The following AGBL4 variants were observed in gnomAD, a reference collection of about 807,000 sequenced individuals.
AGBL4 encodes AGBL carboxypeptidase 4.
In AGBL4, 58 loss-of-function variants were observed where a neutral mutation model predicts 66.4. That is an observed-to-expected ratio of 0.87 (90% CI 0.71 to 1.09). AGBL4 has a LOEUF of 1.09. Ranked by LOEUF, AGBL4 falls within the 50% of genes least tolerant of loss-of-function variation. AGBL4 has a pLI of 0.00. For synonymous variants in AGBL4, 234 were observed against 222.9 expected, an observed-to-expected ratio of 1.05 and a Z score of -0.44; for missense variants, 579 against 631.0, an observed-to-expected ratio of 0.92 and a Z score of 0.88.
At chr1:49,519,124 G>C (rs1650061401) in intron 3 of AGBL4, among the ~76,000 whole-genome samples, 1 of 152,022 alleles carries the variant, frequency 6.6e-6, no homozygotes, top group Non-Finnish European at 1.5e-5. Flanking sequence ...GTTGGAGAAA[G>C]GCATTGATAT....
intron 12 of AGBL4, among the ~76,000 whole-genome samples, chr1:48,538,117 C>T (rs1644003405): frequency 1.3e-5 from 2 of 152,142 alleles, no homozygotes; most frequent in Non-Finnish European, 2.9e-5. Flanking sequence ...GATTTAGAAA[C>T]AATCTGGGAC....
intron 4 of AGBL4, among the ~76,000 whole-genome samples, chr1:49,054,364 T>C (rs1011057330): frequency 6.6e-6 from 1 of 152,066 alleles, no homozygotes; most frequent in East Asian, 1.9e-4. Flanking sequence ...GTCTTGGTAG[T>C]GCTGATACAG....
At chr1:48,544,213 C>T (rs1415102168) in intron 11 of AGBL4, among the ~76,000 whole-genome samples, 1 of 152,204 alleles carries the variant, frequency 6.6e-6, no homozygotes, top group East Asian at 1.9e-4. Context: ...TTGGGCATGA[C>T]CTCTCTGAGC....
In AGBL4 at chr1:49,854,010, G is replaced by T. The variant is rs1646370066; in HGVS notation, c.35-2492C>A. 2.0e-5 allele frequency among the ~76,000 whole-genome samples: 3 copies of T among 151,858 alleles called. No homozygotes were observed. The South Asian group carries it at 6.2e-4, about 31-fold the overall frequency. On this transcript the variant is annotated intron_variant, in intron 1 of 13. Coordinates refer to ENST00000371839, the MANE Select transcript of AGBL4 (RefSeq NM_032785.4). The stretch of plus-strand genomic sequence containing the variant: ...CAAAGAAATTAAGAGCTCCAGAAAT[G>T]ATATAAATAAAGGTAAATATAAATT...
chr1:48,713,553 G>A (rs1647000780), intron 6 of AGBL4, among the ~76,000 whole-genome samples: 2 of 152,140 alleles, frequency 1.3e-5, no homozygotes, highest in African/African-American at 4.8e-5. Context: ...TTCTGTGAGG[G>A]CAGTTTTCCA....
chr1:48,743,012 T>C (rs1650160976), intron 6 of AGBL4, among the ~76,000 whole-genome samples: 1 of 152,198 alleles, frequency 6.6e-6, no homozygotes, highest in Non-Finnish European at 1.5e-5. Flanking sequence ...TGAAGAGCAC[T>C]CTTCCAGGGT....
chr1:48,700,724 C>G (rs1557888151), intron 6 of AGBL4, among the ~76,000 whole-genome samples: 1 of 152,158 alleles, frequency 6.6e-6, no homozygotes, highest in South Asian at 2.1e-4. Flanking sequence ...GATCACCCAC[C>G]ATGTGCCACA....
chr1:49,576,984 C>G (rs1315792073), intron 3 of AGBL4, among the ~76,000 whole-genome samples: 2 of 152,148 alleles, frequency 1.3e-5, no homozygotes, highest in African/African-American at 4.8e-5. Context: ...TGCTAGTGCA[C>G]TTTTCATGGA....
Position 49,016,507 on chromosome 1 carries a change from T to A in AGBL4, c.594+29077A>T, listed in dbSNP as rs12094615. Among the ~76,000 whole-genome samples, 313 of 151,966 alleles carry A rather than the reference T, an allele frequency of 2.1e-3. 5 individuals are homozygous for A. The highest frequency in any genetic ancestry group is 7.0e-3 in the African/African-American group (290 of 41,446). Reference sequence around the variant, plus strand: ...ACTCAGTCACTTGAGAGTGCCGGAGTTTTGACATTGTAAGAGGAAGAAAGC... The same window carrying A: ...ACTCAGTCACTTGAGAGTGCCGGAGATTTGACATTGTAAGAGGAAGAAAGC... On this transcript the variant is annotated intron_variant, in intron 5 of 13. Coordinates refer to ENST00000371839, the MANE Select transcript of AGBL4 (RefSeq NM_032785.4).
chr1:49,643,925 A>G (rs1645833697), intron 3 of AGBL4, among the ~76,000 whole-genome samples: 1 of 151,754 alleles, frequency 6.6e-6, no homozygotes, highest in Admixed American at 6.6e-5. Flanking sequence ...ACTGATAAAT[A>G]TAAAAGACTT....
chr1:49,584,539 A>G (rs1444931113), intron 3 of AGBL4, among the ~76,000 whole-genome samples: 1 of 152,072 alleles, frequency 6.6e-6, no homozygotes, highest in African/African-American at 2.4e-5. Context: ...CAATGACCAT[A>G]ATTTTTCTTT....
intron 4 of AGBL4, among the ~76,000 whole-genome samples, chr1:49,244,725 A>G (rs1651502720): frequency 6.6e-6 from 1 of 151,878 alleles, no homozygotes; most frequent in Admixed American, 6.6e-5. Flanking sequence ...ACTATTAATA[A>G]TAGATGCCAT....
intron 2 of AGBL4, among the ~76,000 whole-genome samples, chr1:49,834,610 C>A (rs1028925431): frequency 6.6e-6 from 1 of 152,096 alleles, no homozygotes; most frequent in African/African-American, 2.4e-5. Flanking sequence ...TTCTTGTCTT[C>A]TGTTAGCTTT....
intron 4 of AGBL4, among the ~76,000 whole-genome samples, chr1:49,157,273 C>T (rs1437208848): frequency 1.3e-5 from 2 of 151,342 alleles, no homozygotes; most frequent in Non-Finnish European, 2.9e-5. Context: ...TGTGATGTTC[C>T]CCTCCCCGTG....
At chr1:49,480,019 A>G (rs950000496) in intron 3 of AGBL4, among the ~76,000 whole-genome samples, 3 of 151,822 alleles carry the variant, frequency 2.0e-5, no homozygotes, top group Non-Finnish European at 4.4e-5. Flanking sequence ...CATTTTCTTT[A>G]TCTAGTCTAT....
chr1:49,344,467 A>G (rs1338570461), intron 3 of AGBL4, among the ~76,000 whole-genome samples: 1 of 152,212 alleles, frequency 6.6e-6, no homozygotes, highest in African/African-American at 2.4e-5. Flanking sequence ...GTGAGATAGG[A>G]TAAAGCTAAA....
At chr1:49,596,297 A>C (rs1644852299) in intron 3 of AGBL4, among the ~76,000 whole-genome samples, 1 of 152,144 alleles carries the variant, frequency 6.6e-6, no homozygotes, top group South Asian at 2.1e-4. Context: ...CCTCCTGAGT[A>C]GCTGGGGTTA....
chr1:49,933,276 T>G (rs567677900), intron 1 of AGBL4, among the ~76,000 whole-genome samples: 1 of 151,762 alleles, frequency 6.6e-6, no homozygotes, highest in East Asian at 1.9e-4. Flanking sequence ...TTCAAAGTAA[T>G]AAAAAAAACT....
Position 48,686,596 on chromosome 1 carries a change from A to G in AGBL4, c.635-23355T>C, listed in dbSNP as rs145786767. ...AAAGAAGAAACAAGAGAAAAAAGGGACTAAGGAATACAAGAAGGACAGGCA... is the reference window on the plus strand; with the variant it reads ...AAAGAAGAAACAAGAGAAAAAAGGGGCTAAGGAATACAAGAAGGACAGGCA... On this transcript the variant is annotated intron_variant, in intron 6 of 13. Coordinates refer to ENST00000371839, the MANE Select transcript of AGBL4 (RefSeq NM_032785.4). 1.2e-3 allele frequency among the ~76,000 whole-genome samples: 190 copies of G among 152,326 alleles called. 1 individual carries two copies. The highest frequency in any genetic ancestry group is 4.6e-3 in the Admixed American group (71 of 15,306).
Sources: allele counts gnomAD v4.1 joint callset (sites outside exome capture counted in the v4.1 genomes callset), GRCh38; gene constraint gnomAD v4.1.1; transcripts MANE v1.5; gene names NCBI Gene and HGNC (gene_info 2026-07-23, HGNC 2026-07-21).